The following PLA1A variants were observed in gnomAD, a reference collection of about 807,000 sequenced individuals.
PLA1A encodes phospholipase A1 member A, also known as phosphatidylserine-specific phospholipase A1alpha.
PLA1A carries 47 observed loss-of-function variants against 49.4 expected under a neutral mutation model. That is an observed-to-expected ratio of 0.95 (90% CI 0.75 to 1.21). The LOEUF (loss-of-function observed/expected upper bound fraction) is 1.21, where lower values mean the gene tolerates loss of function less well. PLA1A is among the 50% of genes most tolerant of loss of function. PLA1A has a pLI of 0.00. For missense variants in PLA1A, 561 were observed against 563.9 expected (o/e 0.99, Z 0.05); for synonymous variants, 224 against 207.9 (o/e 1.08, Z -0.67).
chr3:119,626,684 A>G (rs1307317193), intron 9 of PLA1A, among the ~76,000 whole-genome samples: 1 of 152,164 alleles, frequency 6.6e-6, no homozygotes, highest in Non-Finnish European at 1.5e-5. Context: ...GATGTTGGAC[A>G]TGAACTCTGC....
At position 119,629,574 on chromosome 3, in the gene PLA1A, G is replaced by A; in HGVS notation, c.*106G>A. ...GCTTATTGTAGACCATTACTACTAAGGAGAAAAGCAAAGCTCTTTCTTATT... is the reference window on the plus strand; with the variant it reads ...GCTTATTGTAGACCATTACTACTAAAGAGAAAAGCAAAGCTCTTTCTTATT... On this transcript the variant is annotated 3_prime_UTR_variant, in exon 11 of 11. Coordinates refer to ENST00000273371, the MANE Select transcript of PLA1A (RefSeq NM_015900.4). The A allele has an allele frequency of 5.9e-6, 4 of 680,802 alleles. No individual in the cohort carries two copies. The highest frequency in any genetic ancestry group is 1.1e-5 in the Non-Finnish European group (4 of 378,612). 42.2% of individuals were successfully genotyped at this position (680,802 alleles called of 1,614,324 possible).
chr3:119,608,119 A>G (rs2107781478), intron 2 of PLA1A, among the ~76,000 whole-genome samples: 1 of 152,108 alleles, frequency 6.6e-6, no homozygotes, highest in South Asian at 2.1e-4. Context: ...TACTCAATAA[A>G]TGCTTGCTGA....
chr3:119,629,780 T>G lies in PLA1A; in HGVS notation c.*312T>G. 3.3e-6 allele frequency: 1 copy of G among 303,844 alleles called. No homozygotes were observed. The highest frequency in any genetic ancestry group is 1.2e-4 in the South Asian group (1 of 8,392). 18.8% of individuals were successfully genotyped at this position (303,844 alleles called of 1,614,324 possible). ...AGAAACATGTACAGGGTAAACAATT[T>G]TTTAAAAATAAAACTTCATGGAGTA... On this transcript the variant is annotated 3_prime_UTR_variant, in exon 11 of 11. Transcript: ENST00000273371.
rs1234432730 is a variant in PLA1A, at chr3:119,628,854, T to C, written c.1275T>C (p.Pro425=). 2.5e-6 allele frequency: 4 copies of C among 1,613,828 alleles called. No individual in the cohort carries two copies. The South Asian group carries it at 3.3e-5, about 13-fold the overall frequency. The change falls in exon 10 of 11, where the codon CCT becomes CCC. Residue 425 remains proline (P), a synonymous_variant. Coordinates refer to ENST00000273371, the MANE Select transcript of PLA1A (RefSeq NM_015900.4). ...IIGKFCTALL[P]VNDREKMVCL... ...GGAAGTTCTGCACTGCCCTTTTGCC[T>C]GTCAATGACAGGTAAGCCCCAGTAT... is the stretch of plus-strand genomic sequence containing the variant.
rs2052601712 is a variant in PLA1A, at chr3:119,629,798, A to T, written c.*330A>T. 1.1e-5 allele frequency: 3 copies of T among 261,462 alleles called. No homozygotes were observed. In the South Asian group the frequency reaches 3.9e-4, roughly 34 times the overall value. 16.2% of individuals were successfully genotyped at this position (261,462 alleles called of 1,614,324 possible). On this transcript the variant is annotated 3_prime_UTR_variant, in exon 11 of 11. Coordinates refer to ENST00000273371, the MANE Select transcript of PLA1A (RefSeq NM_015900.4). ...AACAATTTTTTAAAAATAAAACTTC[A>T]TGGAGTATCTGAATCATTTAATTGT...
chr3:119,604,722 TA>T (rs1324504991), intron 1 of PLA1A, among the ~76,000 whole-genome samples: 1 of 152,162 alleles, frequency 6.6e-6, no homozygotes, highest in African/African-American at 2.4e-5. Context: ...TACCTGAATA[TA>T]AAAAATTTTT....
intron 5 of PLA1A, among the ~76,000 whole-genome samples, chr3:119,615,727 C>CT (rs1232424232): frequency 6.6e-6 from 1 of 151,986 alleles, no homozygotes; most frequent in African/African-American, 2.4e-5. Context: ...AGGAGAATCG[C>CT]TTGAATCCGG....
rs149164121 is a variant in PLA1A, at chr3:119,615,372, A to G, written c.665-640A>G. Among the ~76,000 whole-genome samples the G allele has an allele frequency of 3.3e-3, 503 of 152,348 alleles. 9 individuals carry two copies. Among genetic ancestry groups the G allele is most frequent in the Middle Eastern group, 6.8e-3 (2 of 294 alleles). ...GGGGAGACTGTGGAAATGTGACCCCATACACATTTATCTGAACTATTACTC... is the reference window on the plus strand; with the variant it reads ...GGGGAGACTGTGGAAATGTGACCCCGTACACATTTATCTGAACTATTACTC... On this transcript the variant is annotated intron_variant, in intron 5 of 10. Coordinates refer to ENST00000273371, the MANE Select transcript of PLA1A (RefSeq NM_015900.4).
chr3:119,603,175 TA>T (rs35243183), intron 1 of PLA1A, among the ~76,000 whole-genome samples: 141,550 of 151,614 alleles, frequency 0.93, 66,138 homozygotes, highest in East Asian at 1. Context: ...TTGACTGACT[TA>T]AAAAAAAAAA....
At chr3:119,616,232 C>T (rs538981914) in intron 6 of PLA1A, 131 bp downstream of exon 6, 30 of 676,988 alleles carry the variant, frequency 4.4e-5, no homozygotes, top group East Asian at 1.1e-4. Flanking sequence ...TGTCCCATAA[C>T]GCTTTACTCA....
intron 1 of PLA1A, among the ~76,000 whole-genome samples, chr3:119,602,885 A>C (rs1177832072): frequency 2.0e-5 from 3 of 152,146 alleles, no homozygotes; most frequent in African/African-American, 7.2e-5. Flanking sequence ...ACAAGCAAAG[A>C]CTTGAAGGAG....
chr3:119,606,050 G>A (rs544453509), intron 1 of PLA1A, among the ~76,000 whole-genome samples: 2 of 152,350 alleles, frequency 1.3e-5, no homozygotes, highest in African/African-American at 4.8e-5. Flanking sequence ...ACTGAGGCTA[G>A]TCCGCAGGGC....
chr3:119,621,916 G>A (rs1036290315), intron 8 of PLA1A, among the ~76,000 whole-genome samples: 1 of 152,122 alleles, frequency 6.6e-6, no homozygotes, highest in Non-Finnish European at 1.5e-5. Flanking sequence ...GGGGCCTCCA[G>A]GGTAAGTGAA....
rs2052595285 is a variant in PLA1A, at chr3:119,629,497, CA to C, written c.*30del. On this transcript the variant is annotated 3_prime_UTR_variant, in exon 11 of 11. Coordinates refer to ENST00000273371, the MANE Select transcript of PLA1A (RefSeq NM_015900.4). ...AACCTGGGCAGGACACATCTCCCTGCATTTTTTTTTTTTTTTTGAGAGAGAG... is the reference window on the plus strand; with the variant it reads ...AACCTGGGCAGGACACATCTCCCTGCTTTTTTTTTTTTTTTTGAGAGAGAG... 7 of 892,954 alleles carry C rather than the reference CA, an allele frequency of 7.8e-6. No homozygotes were observed. In the Admixed American group the frequency reaches 8.0e-5, roughly 10 times the overall value. 55.3% of individuals were successfully genotyped at this position (892,954 alleles called of 1,614,324 possible).
intron 5 of PLA1A, among the ~76,000 whole-genome samples, chr3:119,614,144 C>T (rs543748758): frequency 6.6e-6 from 1 of 152,320 alleles, no homozygotes; most frequent in East Asian, 1.9e-4. Flanking sequence ...CATCTCATTT[C>T]CTGTGGTCAG....
intron 2 of PLA1A, among the ~76,000 whole-genome samples, chr3:119,608,238 A>G (rs202235254): frequency 5.5e-4 from 44 of 80,102 alleles, no homozygotes; most frequent in African/African-American, 1.7e-3. Flanking sequence ...GAGAGAAAGA[A>G]AGAGAGAAAG....
At chr3:119,599,152 T>C (rs1328330904) in intron 1 of PLA1A, among the ~76,000 whole-genome samples, 1 of 152,190 alleles carries the variant, frequency 6.6e-6, no homozygotes, top group Non-Finnish European at 1.5e-5. Context: ...CTCTGTTTCT[T>C]TGTAGCTATG....
At chr3:119,608,224 A>G (rs2021496) in intron 2 of PLA1A, among the ~76,000 whole-genome samples, 2,783 of 35,416 alleles carry the variant, frequency 0.079, 37 homozygotes, top group East Asian at 0.11. Flanking sequence ...GAAAGAAAGA[A>G]AGAGAGAGAA....
chr3:119,599,973 C>CGTGT (rs141896264), intron 1 of PLA1A, among the ~76,000 whole-genome samples: 52 of 149,272 alleles, frequency 3.5e-4, no homozygotes, highest in African/African-American at 1.2e-3. Context: ...AGTGTGTGTG[C>CGTGT]GTGTGTGTGT....
Sources: allele counts gnomAD v4.1 joint callset (sites outside exome capture counted in the v4.1 genomes callset), GRCh38; gene constraint gnomAD v4.1.1; transcripts MANE v1.5; gene names NCBI Gene and HGNC (gene_info 2026-07-23, HGNC 2026-07-21).